Variants in CTNNA2 observed in about 807,000 individuals in gnomAD.
The protein encoded by CTNNA2 is catenin alpha-2.
CTNNA2 carries 42 observed loss-of-function variants against 101.0 expected under a neutral mutation model. The observed-to-expected ratio is 0.42, with a 90% CI of 0.32 to 0.54. CTNNA2 has a LOEUF of 0.54. Ranked by LOEUF, CTNNA2 falls within the 20% of genes least tolerant of loss-of-function variation. The pLI is 0.14. For synonymous variants in CTNNA2, 450 were observed against 456.4 expected (o/e 0.99, Z 0.18); for missense variants, 871 against 1,223.1 (o/e 0.71, Z 4.29).
At chr2:79,305,376 A>ATATATG (rs56111570) in intron 2 of CTNNA2, among the ~76,000 whole-genome samples, 9,815 of 129,532 alleles carry the variant, frequency 0.076, 431 homozygotes, top group South Asian at 0.15. Context: ...ATATACACAT[A>ATATATG]TATATATATA....
chr2:79,614,443 A>G (rs1211449959), intron 1 of CTNNA2, among the ~76,000 whole-genome samples: 1 of 152,180 alleles, frequency 6.6e-6, no homozygotes, highest in Non-Finnish European at 1.5e-5. Context: ...ATAACCAGGG[A>G]AAGATCCAGG....
chr2:80,061,292 T>C (rs1306917040), intron 7 of CTNNA2, among the ~76,000 whole-genome samples: 2 of 152,194 alleles, frequency 1.3e-5, no homozygotes, highest in Non-Finnish European at 2.9e-5. Context: ...TTCCTGATTA[T>C]ATAAGAATAT....
intron 2 of CTNNA2, among the ~76,000 whole-genome samples, chr2:79,310,002 C>T (rs1029741176): frequency 1.3e-5 from 2 of 152,082 alleles, no homozygotes; most frequent in African/African-American, 4.8e-5. Context: ...CTTTTAGGTA[C>T]ATTTTCTAAT....
At chr2:79,963,267 G>A (rs1456569814) in intron 7 of CTNNA2, among the ~76,000 whole-genome samples, 1 of 152,116 alleles carries the variant, frequency 6.6e-6, no homozygotes, top group Non-Finnish European at 1.5e-5. Flanking sequence ...TCTTGTGTAA[G>A]TGAAGTGGAA....
intron 7 of CTNNA2, among the ~76,000 whole-genome samples, chr2:79,979,969 T>C (rs998579420): frequency 6.6e-6 from 1 of 152,200 alleles, no homozygotes; most frequent in Non-Finnish European, 1.5e-5. Context: ...TGTTCTCATC[T>C]ATAACTGGAG....
At chr2:79,262,392 A>G (rs1674934298) in intron 2 of CTNNA2, among the ~76,000 whole-genome samples, 2 of 152,204 alleles carry the variant, frequency 1.3e-5, no homozygotes, top group South Asian at 2.1e-4. Context: ...AATAATATCA[A>G]TAATGTGGAT....
intron 7 of CTNNA2, among the ~76,000 whole-genome samples, chr2:80,172,440 G>A (rs114002077): frequency 6.7e-4 from 102 of 152,286 alleles, no homozygotes; most frequent in African/African-American, 2.4e-3. Context: ...GAAGCAGGGG[G>A]AGAAGGTATG....
intron 7 of CTNNA2, among the ~76,000 whole-genome samples, chr2:80,377,722 G>A (rs1376972218): frequency 6.6e-6 from 1 of 152,172 alleles, no homozygotes; most frequent in Admixed American, 6.5e-5. Flanking sequence ...AAGCCTTCTA[G>A]GAGACTAAGA....
intron 7 of CTNNA2, among the ~76,000 whole-genome samples, chr2:80,223,596 T>C (rs887802766): frequency 6.6e-6 from 1 of 152,210 alleles, no homozygotes; most frequent in Non-Finnish European, 1.5e-5. Flanking sequence ...TATAAAATTT[T>C]CTCAGTCTCC....
At chr2:79,541,425 CACAT>C (rs1265035438) in intron 1 of CTNNA2, among the ~76,000 whole-genome samples, 3 of 49,316 alleles carry the variant, frequency 6.1e-5, no homozygotes, top group Non-Finnish European at 1.1e-4. Context: ...CACGCACACA[CACAT>C]ATATATATAT....
At chr2:79,346,575 T>C (rs1016837834) in intron 3 of CTNNA2, among the ~76,000 whole-genome samples, 2 of 152,152 alleles carry the variant, frequency 1.3e-5, no homozygotes, top group African/African-American at 4.8e-5. Context: ...TTGAAGCCCA[T>C]TGGAAGAAAC....
intron 1 of CTNNA2, among the ~76,000 whole-genome samples, chr2:79,589,663 T>C (rs1247257162): frequency 6.6e-6 from 1 of 152,000 alleles, no homozygotes; most frequent in African/African-American, 2.4e-5. Context: ...GAGAGAACGA[T>C]GTATGGCCTG....
intron 3 of CTNNA2, among the ~76,000 whole-genome samples, chr2:79,332,445 T>A (rs565245586): frequency 2.0e-5 from 3 of 152,252 alleles, no homozygotes; most frequent in African/African-American, 7.2e-5. Flanking sequence ...AATATAAGAA[T>A]GGCATGAAAG....
At chr2:79,358,632 T>C (rs1294615895) in intron 3 of CTNNA2, among the ~76,000 whole-genome samples, 1 of 152,204 alleles carries the variant, frequency 6.6e-6, no homozygotes. Flanking sequence ...GTAAAGCAGC[T>C]AAGCAGAGGC....
At chr2:80,239,515 T>A (rs996857911) in intron 7 of CTNNA2, among the ~76,000 whole-genome samples, 1 of 152,212 alleles carries the variant, frequency 6.6e-6, no homozygotes, top group Non-Finnish European at 1.5e-5. Context: ...AATAGTACAC[T>A]GTTTTTTTTC....
intron 1 of CTNNA2, among the ~76,000 whole-genome samples, chr2:79,642,768 G>T (rs1358999919): frequency 2.2e-5 from 3 of 135,596 alleles, no homozygotes; most frequent in East Asian, 2.7e-4. Flanking sequence ...TAATACAAAA[G>T]ATTTCTCCTG....
chr2:79,535,480 A>T (rs916938266), intron 1 of CTNNA2, among the ~76,000 whole-genome samples: 1 of 152,118 alleles, frequency 6.6e-6, no homozygotes, highest in African/African-American at 2.4e-5. Flanking sequence ...CTAGGATTAC[A>T]GGGGTGAGCC....
intron 4 of CTNNA2, among the ~76,000 whole-genome samples, chr2:79,408,316 T>A (rs28613616): frequency 9.6e-5 from 13 of 135,480 alleles, no homozygotes; most frequent in South Asian, 7.4e-4. Context: ...TTATTATTAT[T>A]ATAATACTTT....
intron 1 of CTNNA2, among the ~76,000 whole-genome samples, chr2:79,591,676 G>T (rs1676855233): frequency 6.6e-6 from 1 of 152,072 alleles, no homozygotes; most frequent in Admixed American, 6.5e-5. Flanking sequence ...ATCTTTCTGA[G>T]CCCAGAAGAC....
Sources: gnomAD v4.1 joint callset for allele counts (sites outside exome capture counted in the v4.1 genomes callset) on GRCh38, gnomAD v4.1.1 for gene constraint, MANE v1.5 for transcripts, NCBI Gene and HGNC (gene_info 2026-07-23, HGNC 2026-07-21) for gene names.